The following GPC5 variants were observed in gnomAD, a reference collection of about 807,000 sequenced individuals.
GPC5 encodes the protein glypican 5.
In GPC5, 47 loss-of-function variants were observed where a neutral mutation model predicts 53.9. That is an observed-to-expected ratio of 0.87 (90% CI 0.69 to 1.11). GPC5 has a LOEUF of 1.11. Among genes scored for constraint, GPC5 ranks in the 50% most tolerant of loss-of-function variants. The pLI, the probability that GPC5 is intolerant of heterozygous loss-of-function variation, is 0.00. For missense variants in GPC5, 748 were observed against 713.1 expected (o/e 1.05, Z -0.56); for synonymous variants, 286 against 263.3 (o/e 1.09, Z -0.84).
chr13:91,680,106 A>C (rs2139725368), intron 2 of GPC5, among the ~76,000 whole-genome samples: 1 of 152,284 alleles, frequency 6.6e-6, no homozygotes. Flanking sequence ...AAAACTGGAA[A>C]TTTAGAAAAC....
chr13:91,576,154 G>A (rs1042115761), intron 2 of GPC5, among the ~76,000 whole-genome samples: 39 of 152,120 alleles, frequency 2.6e-4, no homozygotes, highest in Admixed American at 8.5e-4. Flanking sequence ...ATTTCAGTTA[G>A]GCAGGAGGAA....
intron 7 of GPC5, among the ~76,000 whole-genome samples, chr13:92,504,654 A>G (rs995743820): frequency 6.6e-6 from 1 of 152,038 alleles, no homozygotes; most frequent in Non-Finnish European, 1.5e-5. Context: ...GATCAGTGTC[A>G]CAGAGAAGAT....
chr13:91,469,152 A>G (rs901056028), intron 2 of GPC5, among the ~76,000 whole-genome samples: 1 of 151,834 alleles, frequency 6.6e-6, no homozygotes, highest in Non-Finnish European at 1.5e-5. Flanking sequence ...TGTGTTGCCC[A>G]GGCTGGAGTG....
At chr13:91,773,744 G>T (rs970788550) in intron 5 of GPC5, among the ~76,000 whole-genome samples, 12 of 152,138 alleles carry the variant, frequency 7.9e-5, no homozygotes, top group African/African-American at 2.2e-4. Flanking sequence ...CAGCTAATTA[G>T]GAATTTATTC....
intron 7 of GPC5, among the ~76,000 whole-genome samples, chr13:92,560,154 A>C (rs1378970375): frequency 6.6e-6 from 1 of 152,020 alleles, no homozygotes; most frequent in South Asian, 2.1e-4. Flanking sequence ...ATTGTGATAG[A>C]ACCTATATTT....
intron 7 of GPC5, chr13:92,659,116 G>T (rs1425092515): frequency 2.0e-5 from 3 of 150,160 alleles, no homozygotes; most frequent in Non-Finnish European, 3.0e-5. Context: ...TTTTAGTAGA[G>T]ACGGGGTTTC....
intron 7 of GPC5, among the ~76,000 whole-genome samples, chr13:92,293,418 G>GTTTT (rs2043011511): frequency 1.1e-5 from 1 of 89,326 alleles, no homozygotes; most frequent in East Asian, 3.3e-4. Flanking sequence ...TGGTTGGTTG[G>GTTTT]TTTCTTTTTT....
chr13:92,320,917 T>C (rs1377284733), intron 7 of GPC5, among the ~76,000 whole-genome samples: 1 of 152,184 alleles, frequency 6.6e-6, no homozygotes, highest in Non-Finnish European at 1.5e-5. Context: ...ACATTCTTCT[T>C]GAATCTTTGA....
intron 2 of GPC5, among the ~76,000 whole-genome samples, chr13:91,609,404 T>A (rs2033478094): frequency 6.6e-6 from 1 of 152,132 alleles, no homozygotes; most frequent in African/African-American, 2.4e-5. Context: ...ACAGTTCATT[T>A]GGCAACGTAC....
intron 7 of GPC5, among the ~76,000 whole-genome samples, chr13:92,566,191 A>G (rs1264089835): frequency 1.3e-5 from 2 of 152,088 alleles, no homozygotes; most frequent in Non-Finnish European, 2.9e-5. Context: ...CACTATTGAA[A>G]TACTGATTTT....
intron 1 of GPC5, among the ~76,000 whole-genome samples, chr13:91,430,334 T>C (rs1042168150): frequency 5.9e-5 from 9 of 152,208 alleles, no homozygotes; most frequent in Non-Finnish European, 1.2e-4. Flanking sequence ...ACTGTGCCCT[T>C]GGGAAGACAA....
At chr13:92,497,413 T>C (rs1355233810) in intron 7 of GPC5, among the ~76,000 whole-genome samples, 3 of 152,200 alleles carry the variant, frequency 2.0e-5, no homozygotes, top group African/African-American at 7.2e-5. Context: ...CAGATGGTTT[T>C]AGATGTGTGG....
intron 2 of GPC5, among the ~76,000 whole-genome samples, chr13:91,476,238 T>G (rs940801783): frequency 6.6e-6 from 1 of 152,144 alleles, no homozygotes; most frequent in Non-Finnish European, 1.5e-5. Context: ...CTCCAGACAC[T>G]GCTAAATGTC....
intron 7 of GPC5, among the ~76,000 whole-genome samples, chr13:92,632,485 T>TATACAC (rs138355646): frequency 3.6e-5 from 5 of 137,666 alleles, no homozygotes; most frequent in African/African-American, 8.1e-5. Flanking sequence ...TATATATATA[T>TATACAC]ACACATATAT....
chr13:92,719,639 A>C (rs1594452592), intron 7 of GPC5, among the ~76,000 whole-genome samples: 1 of 152,184 alleles, frequency 6.6e-6, no homozygotes, highest in Admixed American at 6.5e-5. Context: ...GTATATAGAG[A>C]GTAAGATATT....
At chr13:92,550,609 G>T (rs897922994) in intron 7 of GPC5, among the ~76,000 whole-genome samples, 2 of 151,508 alleles carry the variant, frequency 1.3e-5, no homozygotes, top group Non-Finnish European at 3.0e-5. Flanking sequence ...CTGAAAAAGG[G>T]GTATTAAAAA....
At chr13:91,554,270 G>A (rs1419279925) in intron 2 of GPC5, among the ~76,000 whole-genome samples, 1 of 151,808 alleles carries the variant, frequency 6.6e-6, no homozygotes, top group African/African-American at 2.4e-5. Flanking sequence ...CCCCCACACA[G>A]AGATACAACA....
chr13:91,619,013 G>C (rs1264107840), intron 2 of GPC5, among the ~76,000 whole-genome samples: 2 of 151,930 alleles, frequency 1.3e-5, no homozygotes, highest in Non-Finnish European at 2.9e-5. Flanking sequence ...GAAAATAAGA[G>C]GAAATTTGGC....
intron 7 of GPC5, among the ~76,000 whole-genome samples, chr13:92,209,137 C>T (rs1334546234): frequency 2.6e-5 from 4 of 152,178 alleles, no homozygotes; most frequent in African/African-American, 9.7e-5. Context: ...ATTTATATTA[C>T]AACTTCCAAT....
Sources: allele counts gnomAD v4.1 joint callset (sites outside exome capture counted in the v4.1 genomes callset), GRCh38; gene constraint gnomAD v4.1.1; transcripts MANE v1.5; gene names NCBI Gene and HGNC (gene_info 2026-07-23, HGNC 2026-07-21).